The following PROKR1 variants were observed in gnomAD, a reference collection of about 807,000 sequenced individuals.
PROKR1 encodes prokineticin receptor 1.
In PROKR1, 21 loss-of-function variants were observed where a neutral mutation model predicts 22.8. That is an observed-to-expected ratio of 0.92 (90% CI 0.65 to 1.32). The LOEUF (loss-of-function observed/expected upper bound fraction) is 1.32, where lower values mean the gene tolerates loss of function less well. Among genes scored for constraint, PROKR1 ranks in the 40% most tolerant of loss-of-function variants. The pLI is 0.00. For missense variants in PROKR1, 548 were observed against 514.2 expected (o/e 1.07, Z -0.64); for synonymous variants, 193 against 207.5 (o/e 0.93, Z 0.60).
In PROKR1 at chr2:68,654,823, A is replaced by AC. The variant is rs1553384454; in HGVS notation, c.486-57_486-56insC. Reference sequence around the variant, plus strand: ...CCCTGTTTCAAAAAAAAAAAAAAAAAGATTATCCAGCACTTCTTTCTCACA... The same window carrying AC: ...CCCTGTTTCAAAAAAAAAAAAAAAAACGATTATCCAGCACTTCTTTCTCACA... On this transcript the variant is annotated intron_variant, in intron 2 of 2. Coordinates refer to ENST00000303786, the MANE Select transcript of PROKR1 (RefSeq NM_138964.4). 9 of 1,425,026 alleles carry AC rather than the reference A, an allele frequency of 6.3e-6. No homozygotes were observed. The Admixed American group carries it at 1.4e-4, about 22-fold the overall frequency. 88.3% of individuals were successfully genotyped at this position (1,425,026 alleles called of 1,614,324 possible).
rs919225883 is a variant in PROKR1 at position 68,643,684 on chromosome 2, G to T, written c.-325G>T. ...GCCGGGTCGGGGGATCTGCAGCGGC[G>T]GCGCGAAGGTAACTCCCCCGCCAGA... On this transcript the variant is annotated 5_prime_UTR_variant, in exon 1 of 3. Coordinates refer to ENST00000303786, the MANE Select transcript of PROKR1 (RefSeq NM_138964.4). 2 of 152,292 alleles carry T rather than the reference G, an allele frequency of 1.3e-5. No individual in the cohort carries two copies. The highest frequency in any genetic ancestry group is 2.9e-5 in the Non-Finnish European group (2 of 68,088). 9.4% of individuals were successfully genotyped at this position (152,292 alleles called of 1,614,324 possible). A position where few individuals can be genotyped will look rare whatever the true frequency, so the allele number is the denominator to read the frequency against.
chr2:68,651,812 G>C (rs1390161576), intron 2 of PROKR1, among the ~76,000 whole-genome samples: 1 of 152,204 alleles, frequency 6.6e-6, no homozygotes, highest in African/African-American at 2.4e-5. Flanking sequence ...CCATCTCTTT[G>C]TCTAGCAGCC....
Position 68,657,667 on chromosome 2 carries a change from C to CT in PROKR1, c.*2092dup, listed in dbSNP as rs1167590930. Reference sequence around the variant, plus strand: ...GTGGACTTGTCTTTTTCTTATTTAACTCTAGAGCAGCGCACTTACAAGGTT... The same window carrying CT: ...GTGGACTTGTCTTTTTCTTATTTAACTTCTAGAGCAGCGCACTTACAAGGTT... On this transcript the variant is annotated 3_prime_UTR_variant, in exon 3 of 3. Transcript: ENST00000303786. The CT allele has an allele frequency of 1.1e-4, 16 of 142,630 alleles. No homozygotes were observed. The highest frequency in any genetic ancestry group is 4.2e-4 in the African/African-American group (15 of 35,582). 8.8% of individuals were successfully genotyped at this position (142,630 alleles called of 1,614,324 possible). A position where few individuals can be genotyped will look rare whatever the true frequency, so the allele number is the denominator to read the frequency against.
At position 68,654,866 on chromosome 2, in the gene PROKR1, T is replaced by C. The variant is rs533174031; in HGVS notation, c.486-14T>C. 22 of 1,599,546 alleles carry C rather than the reference T, an allele frequency of 1.4e-5. 1 individual carries two copies. Among genetic ancestry groups the C allele is most frequent in the Admixed American group, 1.0e-4 (6 of 59,946 alleles). ...TTCTCACAGTGGCTGCCTCCACTTG[T>C]GTTCTTGCCCTAGGTATCTGGCTAT... On this transcript the variant is annotated splice_polypyrimidine_tract_variant and intron_variant, in intron 2 of 2. Coordinates refer to ENST00000303786, the MANE Select transcript of PROKR1 (RefSeq NM_138964.4).
At chr2:68,647,377 G>C (rs1673209798) in intron 2 of PROKR1, among the ~76,000 whole-genome samples, 1 of 152,180 alleles carries the variant, frequency 6.6e-6, no homozygotes, top group South Asian at 2.1e-4. Context: ...TTACAGTCTA[G>C]AGACAATTAT....
At chr2:68,652,210 A>C (rs1240045922) in intron 2 of PROKR1, among the ~76,000 whole-genome samples, 1 of 152,196 alleles carries the variant, frequency 6.6e-6, no homozygotes, top group Non-Finnish European at 1.5e-5. Flanking sequence ...TCATCTATAG[A>C]GTGGACATTG....
intron 2 of PROKR1, among the ~76,000 whole-genome samples, chr2:68,653,267 G>A (rs377036683): frequency 2.0e-5 from 3 of 152,110 alleles, no homozygotes; most frequent in Non-Finnish European, 2.9e-5. Context: ...GATGGCAGTC[G>A]GCCGGGCGTC....
At chr2:68,653,778 C>A (rs1368839834) in intron 2 of PROKR1, among the ~76,000 whole-genome samples, 3 of 152,134 alleles carry the variant, frequency 2.0e-5, no homozygotes, top group Non-Finnish European at 4.4e-5. Flanking sequence ...ACTCATTTCC[C>A]CCCTAGAAAG....
intron 2 of PROKR1, among the ~76,000 whole-genome samples, chr2:68,646,894 A>G (rs564177491): frequency 2.0e-5 from 3 of 152,194 alleles, no homozygotes; most frequent in African/African-American, 7.2e-5. Context: ...GAAAAAATTA[A>G]AAAATTAGCT....
intron 2 of PROKR1, among the ~76,000 whole-genome samples, chr2:68,648,799 G>T (rs1673244776): frequency 6.6e-6 from 1 of 152,196 alleles, no homozygotes; most frequent in Non-Finnish European, 1.5e-5. Flanking sequence ...CTGTAGCCAT[G>T]TTGGCAGTTA....
In PROKR1 at chr2:68,655,578, C is replaced by G. The variant is rs778717914; in HGVS notation, c.*2C>G. On this transcript the variant is annotated 3_prime_UTR_variant, in exon 3 of 3. Coordinates refer to ENST00000303786, the MANE Select transcript of PROKR1 (RefSeq NM_138964.4). ...GTGGACTGCATCAGACTAAAATAAC[C>G]CCCTGGACTTTGCAAAGTTTAAACA... 38 of 1,613,084 alleles carry G rather than the reference C, an allele frequency of 2.4e-5. No homozygotes were observed. Among genetic ancestry groups the G allele is most frequent in the Non-Finnish European group, 3.1e-5 (36 of 1,179,760 alleles).
chr2:68,648,455 G>A (rs1477699177), intron 2 of PROKR1, among the ~76,000 whole-genome samples: 4 of 152,120 alleles, frequency 2.6e-5, no homozygotes, highest in Admixed American at 6.5e-5. Context: ...GCTTTGCACC[G>A]TGGGAGCTTC....
chr2:68,647,795 C>T (rs1321942652), intron 2 of PROKR1, among the ~76,000 whole-genome samples: 2 of 152,158 alleles, frequency 1.3e-5, no homozygotes, highest in African/African-American at 4.8e-5. Flanking sequence ...ATTCCCTCCA[C>T]TGAATCACAG....
chr2:68,649,847 A>T (rs1673273145), intron 2 of PROKR1, among the ~76,000 whole-genome samples: 1 of 152,142 alleles, frequency 6.6e-6, no homozygotes, highest in African/African-American at 2.4e-5. Flanking sequence ...GGAACAAACC[A>T]GATGGGTTCT....
intron 2 of PROKR1, among the ~76,000 whole-genome samples, chr2:68,654,302 C>G (rs1206945457): frequency 6.6e-6 from 1 of 152,170 alleles, no homozygotes; most frequent in East Asian, 1.9e-4. Flanking sequence ...TAATTGTTAT[C>G]ATTTTGAGTA....
At chr2:68,646,379 C>A in intron 2 of PROKR1, 73 bp downstream of exon 2, 1 of 1,578,942 alleles carries the variant, frequency 6.3e-7, no homozygotes. Flanking sequence ...CCCTCCTGTA[C>A]TGCAGTTGCA....
In PROKR1 at chr2:68,655,590, G is replaced by A; in HGVS notation, c.*14G>A. 5 of 1,611,174 alleles carry A rather than the reference G, an allele frequency of 3.1e-6. No individual in the cohort carries two copies. Among genetic ancestry groups the A allele is most frequent in the Non-Finnish European group, 4.2e-6 (5 of 1,178,556 alleles). On this transcript the variant is annotated 3_prime_UTR_variant, in exon 3 of 3. Coordinates refer to ENST00000303786, the MANE Select transcript of PROKR1 (RefSeq NM_138964.4). ...AGACTAAAATAACCCCCTGGACTTT[G>A]CAAAGTTTAAACACAAAGCAGGGTC... is the stretch of plus-strand genomic sequence containing the variant.
intron 2 of PROKR1, among the ~76,000 whole-genome samples, chr2:68,648,228 A>G (rs940397146): frequency 2.6e-5 from 4 of 152,200 alleles, no homozygotes; most frequent in African/African-American, 7.2e-5. Flanking sequence ...TCAAGGGGAA[A>G]GGAAGCCAGG....
intron 1 of PROKR1, among the ~76,000 whole-genome samples, chr2:68,644,581 C>G (rs1175831377): frequency 1.3e-5 from 2 of 152,150 alleles, no homozygotes; most frequent in African/African-American, 4.8e-5. Flanking sequence ...ATATGGAGAG[C>G]AGGCTTTCCT....
Sources: gnomAD v4.1 joint callset for allele counts (sites outside exome capture counted in the v4.1 genomes callset) on GRCh38, gnomAD v4.1.1 for gene constraint, MANE v1.5 for transcripts, NCBI Gene and HGNC (gene_info 2026-07-23, HGNC 2026-07-21) for gene names.